Variants in PCDHGA10 observed in about 807,000 individuals in gnomAD.
PCDHGA10 encodes protocadherin gamma subfamily A, 10, also known as protocadherin gamma-A10.
A neutral mutation model predicts 59.5 loss-of-function variants in PCDHGA10; 42 were observed. The observed-to-expected ratio is 0.71, with a 90% CI of 0.55 to 0.91. PCDHGA10 has a LOEUF of 0.91. Ranked by LOEUF, PCDHGA10 falls within the 40% of genes least tolerant of loss-of-function variation. PCDHGA10 has a pLI of 0.00. For synonymous variants in PCDHGA10, 511 were observed against 517.2 expected, an observed-to-expected ratio of 0.99 and a Z score of 0.16; for missense variants, 1,111 against 1,198.2, an observed-to-expected ratio of 0.93 and a Z score of 1.07.
In PCDHGA10 at chr5:141,421,903, G is replaced by T. The variant is rs757656265; in HGVS notation, c.2436+6292G>T. 2.5e-6 allele frequency: 4 copies of T among 1,613,704 alleles called. No homozygotes were observed. In the East Asian group the frequency reaches 6.7e-5, roughly 27 times the overall value. ...TGGAGGCGATCCCATCCGAAAGGGCGCAGTTCCCATTCGTGTGGTGGTCCT... is the reference window on the plus strand; with the variant it reads ...TGGAGGCGATCCCATCCGAAAGGGCTCAGTTCCCATTCGTGTGGTGGTCCT... On this transcript the variant is annotated intron_variant, in intron 1 of 3. Transcript: ENST00000398610.
intron 1 of PCDHGA10, among the ~76,000 whole-genome samples, chr5:141,470,068 G>A (rs1269966360): frequency 6.6e-6 from 1 of 152,240 alleles, no homozygotes; most frequent in East Asian, 1.9e-4. Flanking sequence ...GGCAGAGACT[G>A]TAGTGATCTG....
intron 2 of PCDHGA10, among the ~76,000 whole-genome samples, chr5:141,498,944 A>G (rs1249475504): frequency 7.2e-6 from 1 of 139,096 alleles, no homozygotes; most frequent in Non-Finnish European, 1.6e-5. Flanking sequence ...AAAGAAAGAA[A>G]GAAAAAGAGA....
intron 1 of PCDHGA10, chr5:141,423,913 C>T: frequency 7.9e-7 from 1 of 1,269,552 alleles, no homozygotes; most frequent in Non-Finnish European, 1.0e-6. Context: ...AGGGGCCATT[C>T]AACTATGCTG....
chr5:141,494,142 A>G (rs2099752161), intron 1 of PCDHGA10, among the ~76,000 whole-genome samples: 1 of 152,090 alleles, frequency 6.6e-6, no homozygotes, highest in South Asian at 2.1e-4. Context: ...TTAGTCACAG[A>G]CCATTGTCTG....
rs778054090 is a variant in PCDHGA10 at position 141,505,509 on chromosome 5, G to C, written c.2584+28G>C. On this transcript the variant is annotated intron_variant, in intron 3 of 3. Coordinates refer to ENST00000398610, the MANE Select transcript of PCDHGA10 (RefSeq NM_018913.3). ...AAGTGGTGTCAGTGTGTGTATGGAA[G>C]AGTGGGAGACCTGGGGTTCTGGGGT... The C allele has an allele frequency of 3.7e-6, 6 of 1,614,058 alleles. No homozygotes were observed. The East Asian group carries it at 1.1e-4, about 30-fold the overall frequency.
In PCDHGA10 at chr5:141,486,435, A is replaced by G. The variant is rs2099629501; in HGVS notation, c.2437-8372A>G. The G allele has an allele frequency of 6.2e-7, 1 of 1,614,118 alleles. No homozygotes were observed. Among genetic ancestry groups the G allele is most frequent in the Non-Finnish European group, 8.5e-7 (1 of 1,179,960 alleles). ...TTGGATCGAGAGGCCAAATCTAGCT[A>G]TGACATCATGGTCACTGCTTCTGAT... is the stretch of plus-strand genomic sequence containing the variant. On this transcript the variant is annotated intron_variant, in intron 1 of 3. Coordinates refer to ENST00000398610, the MANE Select transcript of PCDHGA10 (RefSeq NM_018913.3). This position sits in a 1 kb window ranked among gnomAD's most constrained non-coding sequence, Gnocchi z 5.0.
chr5:141,467,535 G>C (rs2099145685), intron 1 of PCDHGA10, among the ~76,000 whole-genome samples: 1 of 152,176 alleles, frequency 6.6e-6, no homozygotes, highest in South Asian at 2.1e-4. Flanking sequence ...GCTGAGATAT[G>C]GATCTGATTA....
intron 1 of PCDHGA10, among the ~76,000 whole-genome samples, chr5:141,454,626 G>A (rs1206050863): frequency 6.6e-6 from 1 of 151,304 alleles, no homozygotes; most frequent in African/African-American, 2.4e-5. Flanking sequence ...GGCTGGTCTC[G>A]AACCCCCAAC....
In PCDHGA10 at chr5:141,463,518, G is replaced by A. The variant is rs537466389; in HGVS notation, c.2437-31289G>A. 5.7e-5 allele frequency among the ~76,000 whole-genome samples: 8 copies of A among 139,140 alleles called. No individual in the cohort carries two copies. The East Asian group carries it at 1.3e-3, about 22-fold the overall frequency. The allele number at this position is 139,140 out of a possible 152,430, so 91.3% of individuals were successfully genotyped here. On this transcript the variant is annotated intron_variant, in intron 1 of 3. Coordinates refer to ENST00000398610, the MANE Select transcript of PCDHGA10 (RefSeq NM_018913.3). The stretch of plus-strand genomic sequence containing the variant: ...GGCTGGAGTGACGTGGCGTGATCTC[G>A]GCTTACTAGAAACTCCGGCTCCCGG...
intron 1 of PCDHGA10, chr5:141,426,390 C>T (rs1211244710): frequency 7.9e-6 from 2 of 252,180 alleles, no homozygotes; most frequent in African/African-American, 4.4e-5. Flanking sequence ...AGATCCGCTA[C>T]TCTATTCCAG....
At chr5:141,423,761 TG>T in intron 1 of PCDHGA10, 1 of 156,420 alleles carries the variant, frequency 6.4e-6, no homozygotes, top group Non-Finnish European at 9.2e-6. Context: ...GGGGGGGGGG[TG>T]GGGCGGCATA....
At chr5:141,418,015 G>T (rs1385008648) in intron 1 of PCDHGA10, 1 of 1,613,964 alleles carries the variant, frequency 6.2e-7, no homozygotes, top group Non-Finnish European at 8.5e-7. Context: ...ACCTCGCTAA[G>T]GATCTAGGGC....
At position 141,486,691 on chromosome 5, in the gene PCDHGA10, T is replaced by C. The variant is rs778748447; in HGVS notation, c.2437-8116T>C. 8 of 1,614,024 alleles carry C rather than the reference T, an allele frequency of 5.0e-6. No individual in the cohort carries two copies. The highest frequency in any genetic ancestry group is 1.3e-5 in the African/African-American group (1 of 74,922). The stretch of plus-strand genomic sequence containing the variant: ...GGAATCGAGATGTATCAGCTTCCTC[T>C]TTCATCTCTCTGAACCCCCAGACAG... On this transcript the variant is annotated intron_variant, in intron 1 of 3. Coordinates refer to ENST00000398610, the MANE Select transcript of PCDHGA10 (RefSeq NM_018913.3). The surrounding 1 kb of genome is among the most constrained non-coding windows in gnomAD (Gnocchi z 5.0).
At position 141,498,920 on chromosome 5, in the gene PCDHGA10, G is replaced by A. The variant is rs930391165; in HGVS notation, c.2495+4055G>A. On this transcript the variant is annotated intron_variant, in intron 2 of 3. Transcript: ENST00000398610. ...TGCACTCCAGTCTGGGTGACAGAGC[G>A]AGACTCCATCAGGAAAGAAAGAAAG... 3.3e-4 allele frequency among the ~76,000 whole-genome samples: 47 copies of A among 142,950 alleles called. 1 individual carries two copies. Among genetic ancestry groups the A allele is most frequent in the African/African-American group, 8.9e-4 (35 of 39,160 alleles). The allele number at this position is 142,950 out of a possible 152,430, so 93.8% of individuals were successfully genotyped here. A position where few individuals can be genotyped will look rare whatever the true frequency, so the allele number is the denominator to read the frequency against.
rs751024373 is a variant in PCDHGA10, at chr5:141,491,801, G to A, written c.2437-3006G>A. On this transcript the variant is annotated intron_variant, in intron 1 of 3. Coordinates refer to ENST00000398610, the MANE Select transcript of PCDHGA10 (RefSeq NM_018913.3). The surrounding 1 kb of genome is among the most constrained non-coding windows in gnomAD (Gnocchi z 6.9). ...AACTTGCATCCACTCCTCTCCGGCC[G>A]GCTTGGTCGCTGGCTGCGCTCCACC... 2.7e-6 allele frequency: 4 copies of A among 1,500,726 alleles called. No homozygotes were observed. The Admixed American group carries it at 7.3e-5, about 28-fold the overall frequency. 93.0% of individuals were successfully genotyped at this position (1,500,726 alleles called of 1,614,324 possible). A position where few individuals can be genotyped will look rare whatever the true frequency, so the allele number is the denominator to read the frequency against.
intron 1 of PCDHGA10, among the ~76,000 whole-genome samples, chr5:141,463,572 C>T (rs1462125489): frequency 6.6e-6 from 1 of 151,572 alleles, no homozygotes; most frequent in African/African-American, 2.4e-5. Context: ...CCTCAGCCTC[C>T]CGAGTAGCTG....
Position 141,414,483 on chromosome 5 carries a change from A to T in PCDHGA10, c.1308A>T (p.Leu436=), listed in dbSNP as rs756254490. 5.6e-6 allele frequency: 9 copies of T among 1,613,826 alleles called. No individual in the cohort carries two copies. Among genetic ancestry groups the T allele is most frequent in the Non-Finnish European group, 6.8e-6 (8 of 1,179,908 alleles). ...VTATDGGSPP[L]STEAHFMLQV... ...CCACAGATGGGGGAAGTCCTCCTCT[A>T]TCAACGGAAGCTCACTTTATGCTAC... The change falls in exon 1 of 4, where the codon CTA becomes CTT. Residue 436 remains leucine, a synonymous_variant. Coordinates refer to ENST00000398610, the MANE Select transcript of PCDHGA10 (RefSeq NM_018913.3).
chr5:141,463,438 CTTTTTTTT>C (rs71576115), intron 1 of PCDHGA10, among the ~76,000 whole-genome samples: 7 of 103,252 alleles, frequency 6.8e-5, no homozygotes, highest in East Asian at 2.4e-4. Flanking sequence ...TTTCCTTCTC[CTTTTTTTT>C]TTTTTTTTTT....
intron 1 of PCDHGA10, among the ~76,000 whole-genome samples, chr5:141,472,102 T>C (rs1231168102): frequency 6.6e-6 from 1 of 152,240 alleles, no homozygotes; most frequent in Non-Finnish European, 1.5e-5. Flanking sequence ...ATTCCCATTT[T>C]ATACATAAAG....
Sources: gnomAD v4.1 joint callset for allele counts (sites outside exome capture counted in the v4.1 genomes callset) on GRCh38, gnomAD v4.1.1 for gene constraint, Gnocchi (gnomAD v3.1) non-coding constraint, MANE v1.5 for transcripts, NCBI Gene and HGNC (gene_info 2026-07-23, HGNC 2026-07-21) for gene names.